The following BTN2A1 variants were observed in gnomAD, a reference collection of about 807,000 sequenced individuals.
The protein encoded by BTN2A1 is butyrophilin, subfamily 2, member A1.
A neutral mutation model predicts 34.5 loss-of-function variants in BTN2A1; 41 were observed. The observed-to-expected ratio is 1.19, with a 90% confidence interval of 0.93 to 1.54. The LOEUF (loss-of-function observed/expected upper bound fraction) is 1.54. BTN2A1 is among the 40% of genes most tolerant of loss of function. The pLI is 0.00. For synonymous variants in BTN2A1, 267 were observed against 258.6 expected (o/e 1.03, Z -0.31); for missense variants, 642 against 662.0 (o/e 0.97, Z 0.33).
At chr6:26,467,758 T>C in intron 7 of BTN2A1, 190 bp from the exon 8 acceptor site, 35 of 1,584,040 alleles carry the variant, frequency 2.2e-5, no homozygotes, top group Non-Finnish European at 2.8e-5. Context: ...TGCTTCTGTC[T>C]CTGGAGAGAC....
At position 26,463,566 on chromosome 6, in the gene BTN2A1, G is replaced by C. The variant is rs756808547; in HGVS notation, c.712+41G>C. Reference sequence around the variant, plus strand: ...TCTGAGACTCGTCGAGTGCATGGGGGATCCTCAGCACACAGATGGAGCCCA... The same window carrying C: ...TCTGAGACTCGTCGAGTGCATGGGGCATCCTCAGCACACAGATGGAGCCCA... On this transcript the variant is annotated intron_variant, in intron 4 of 7. Transcript: ENST00000312541. 5 of 1,585,154 alleles carry C rather than the reference G, an allele frequency of 3.2e-6. No homozygotes were observed. The African/African-American group carries it at 6.7e-5, about 21-fold the overall frequency.
Position 26,468,915 on chromosome 6 carries a change from G to A in BTN2A1, c.*366G>A. The A allele has an allele frequency of 7.7e-7, 1 of 1,296,600 alleles. No homozygotes were observed. The highest frequency in any genetic ancestry group is 1.4e-5 in the South Asian group (1 of 73,172). 80.3% of individuals were successfully genotyped at this position (1,296,600 alleles called of 1,614,324 possible). A position where few individuals can be genotyped will look rare whatever the true frequency, so the allele number is the denominator to read the frequency against. On this transcript the variant is annotated 3_prime_UTR_variant, in exon 8 of 8. Coordinates refer to ENST00000312541, the MANE Select transcript of BTN2A1 (RefSeq NM_007049.5). ...GTTGGCACCAGAAGATATGGACTTG[G>A]AATGAGGCCTACAGGGTTCACCAGG...
Position 26,466,107 on chromosome 6 carries a change from C to A in BTN2A1, c.982+19C>A. 1 of 1,613,164 alleles carries A rather than the reference C, an allele frequency of 6.2e-7. No individual in the cohort carries two copies. The highest frequency in any genetic ancestry group is 8.5e-7 in the Non-Finnish European group (1 of 1,180,010). On this transcript the variant is annotated intron_variant, in intron 7 of 7. Coordinates refer to ENST00000312541, the MANE Select transcript of BTN2A1 (RefSeq NM_007049.5). ...CATGCTGGTGAGTGCCTCTGATGTTCCCTCAGATCTCAGCTTTCTCCACAC... is the reference window on the plus strand; with the variant it reads ...CATGCTGGTGAGTGCCTCTGATGTTACCTCAGATCTCAGCTTTCTCCACAC...
At chr6:26,461,164 G>T (rs549816229) in intron 3 of BTN2A1, among the ~76,000 whole-genome samples, 97 of 152,304 alleles carry the variant, frequency 6.4e-4, no homozygotes, top group South Asian at 3.5e-3. Context: ...TCATGACTGT[G>T]TTCATAGCAG....
At position 26,468,108 on chromosome 6, in the gene BTN2A1, C is replaced by T. The variant is rs369008204; in HGVS notation, c.1143C>T (p.Phe381=). The T allele has an allele frequency of 9.3e-6, 15 of 1,614,030 alleles. No individual in the cohort carries two copies. In the East Asian group the frequency reaches 1.6e-4, roughly 17 times the overall value. The stretch of plus-strand genomic sequence containing the variant: ...CTTGTGTCCTAGGCCGGGAGAGCTT[C>T]GCTTCAGGGAAACATTACTGGGAGG... ...SQPCVLGRES[F]ASGKHYWEVE... Residue 381 remains phenylalanine (F), a synonymous_variant, in exon 8 of 8, where the codon TTC becomes TTT. Coordinates refer to ENST00000312541, the MANE Select transcript of BTN2A1 (RefSeq NM_007049.5).
At chr6:26,471,853 A>C (rs1763458719), downstream of BTN2A1, among the ~76,000 whole-genome samples, 1 of 152,226 alleles carries the variant, frequency 6.6e-6, no homozygotes. Context: ...CCATTGAATA[A>C]CCAAGAGTCC....
In BTN2A1 at chr6:26,459,613, C is replaced by T. The variant is rs200867396; in HGVS notation, c.215C>T (p.Ser72Phe). 1 of 1,613,952 alleles carries T rather than the reference C, an allele frequency of 6.2e-7. No homozygotes were observed. Among genetic ancestry groups the T allele is most frequent in the Non-Finnish European group, 8.5e-7 (1 of 1,179,986 alleles). ...MEVRWFRSQF[S>F]PAVFVYKGGR... is the part of the protein sequence containing the mutation. ...GTGCGGTGGTTCCGGTCTCAGTTCT[C>T]CCCCGCAGTGTTTGTGTATAAAGGT... is the stretch of plus-strand genomic sequence containing the variant. Residue 72 changes from serine (S) to phenylalanine (F), a missense_variant, in exon 3 of 8, where the codon TCC (serine) becomes TTC (phenylalanine). By Grantham distance (155) the Ser-to-Phe change is radical. Transcript: ENST00000312541.
chr6:26,465,510 G>A (rs983402401), intron 5 of BTN2A1, 104 bp downstream of exon 5: 45 of 1,005,742 alleles, frequency 4.5e-5, no homozygotes, highest in African/African-American at 2.6e-4. Context: ...CAGCCTGGGC[G>A]ATAAAGTGAG....
chr6:26,472,560 C>G (rs894753710), downstream of BTN2A1, among the ~76,000 whole-genome samples: 1 of 151,756 alleles, frequency 6.6e-6, no homozygotes, highest in Non-Finnish European at 1.5e-5. Context: ...TATTTGTGAC[C>G]CAACTAAAGT....
In BTN2A1 at chr6:26,468,413, C is replaced by T. The variant is rs770055616; in HGVS notation, c.1448C>T (p.Pro483Leu). The change falls in exon 8 of 8, where the codon CCT (proline) becomes CTT (leucine). Residue 483 changes from proline to leucine, a missense_variant. Transcript: ENST00000312541. ...YTCPRSAFSV[P>L]VRPFFRLGCE... ...TGTCCCCGTTCAGCCTTTTCCGTGC[C>T]TGTGAGGCCCTTCTTCAGGTTGGGG... 6.2e-7 allele frequency: 1 copy of T among 1,614,226 alleles called. No individual in the cohort carries two copies.
chr6:26,473,049 G>A (rs1253168276), downstream of BTN2A1, among the ~76,000 whole-genome samples: 1 of 152,220 alleles, frequency 6.6e-6, no homozygotes, highest in African/African-American at 2.4e-5. Flanking sequence ...CCAATCAGAG[G>A]AAAGTGCACC....
At chr6:26,470,557 A>G (rs1354178122), downstream of BTN2A1, among the ~76,000 whole-genome samples, 1 of 152,160 alleles carries the variant, frequency 6.6e-6, no homozygotes, top group Admixed American at 6.5e-5. Context: ...TTTCCAGGGG[A>G]GACTGGTATG....
At chr6:26,467,416 A>G (rs1763344808) in intron 7 of BTN2A1, among the ~76,000 whole-genome samples, 1 of 152,144 alleles carries the variant, frequency 6.6e-6, no homozygotes, top group Non-Finnish European at 1.5e-5. Context: ...GGTTCAAGCA[A>G]TTCTCGTGCC....
At chr6:26,463,589 C>G (rs1763232268) in intron 4 of BTN2A1, 64 bp downstream of exon 4, 2 of 1,548,966 alleles carry the variant, frequency 1.3e-6, no homozygotes, top group Admixed American at 3.5e-5. Flanking sequence ...CAGATGGAGC[C>G]CAGAACGGGG....
chr6:26,474,263 G>A (rs1283936135), downstream of BTN2A1, among the ~76,000 whole-genome samples: 1 of 152,166 alleles, frequency 6.6e-6, no homozygotes, highest in Non-Finnish European at 1.5e-5. Context: ...AGTCAACCCT[G>A]CAGCCAAGTG....
At chr6:26,463,008 G>T in intron 3 of BTN2A1, 3 of 967,808 alleles carry the variant, frequency 3.1e-6, no homozygotes, top group Non-Finnish European at 4.3e-6. Context: ...AGGGTGCAAT[G>T]GGATCCTTTC....
intron 7 of BTN2A1, among the ~76,000 whole-genome samples, chr6:26,466,686 C>A (rs1360409685): frequency 2.0e-5 from 3 of 152,186 alleles, no homozygotes; most frequent in Admixed American, 2.0e-4. Flanking sequence ...TATGATTCAG[C>A]CCCTCTGCCC....
chr6:26,464,246 A>G (rs1581671623), intron 4 of BTN2A1, among the ~76,000 whole-genome samples: 2 of 152,308 alleles, frequency 1.3e-5, no homozygotes, highest in South Asian at 4.1e-4. Context: ...GAAATTCCCT[A>G]TAGACACACA....
intron 3 of BTN2A1, chr6:26,463,032 C>G (rs923411504): frequency 9.7e-6 from 9 of 932,386 alleles, no homozygotes; most frequent in African/African-American, 1.7e-5. Flanking sequence ...TTAGAGAGCT[C>G]ACAGTTTATG....
Sources: gnomAD v4.1 joint callset for allele counts (sites outside exome capture counted in the v4.1 genomes callset) on GRCh38, gnomAD v4.1.1 for gene constraint, MANE v1.5 for transcripts, NCBI Gene and HGNC (gene_info 2026-07-23, HGNC 2026-07-21) for gene names.